Variants in RELN observed in about 807,000 individuals in gnomAD.
RELN encodes reelin.
RELN carries 108 observed loss-of-function variants against 427.6 expected under a neutral mutation model. The observed-to-expected ratio is 0.25, with a 90% CI of 0.22 to 0.30. The LOEUF (loss-of-function observed/expected upper bound fraction) is 0.30. Among genes scored for constraint, RELN ranks in the 10% least tolerant of loss-of-function variants. The pLI is 1.00. For synonymous variants in RELN, 1,524 were observed against 1,513.4 expected, an observed-to-expected ratio of 1.01 and a Z score of -0.16; for missense variants, 3,715 against 4,302.8, an observed-to-expected ratio of 0.86 and a Z score of 3.82.
intron 10 of RELN, among the ~76,000 whole-genome samples, chr7:103,695,416 A>G (rs1271080464): frequency 6.6e-6 from 1 of 152,104 alleles, no homozygotes; most frequent in East Asian, 1.9e-4. Context: ...TAATAGACAT[A>G]GGTCACTCGG....
intron 2 of RELN, among the ~76,000 whole-genome samples, chr7:103,874,468 A>G (rs920160042): frequency 2.8e-4 from 41 of 145,078 alleles, no homozygotes; most frequent in African/African-American, 9.4e-4. Flanking sequence ...CCATTGTCTC[A>G]GCCCAAAATC....
Position 103,569,264 on chromosome 7 carries a change from C to G in RELN, c.4589-2505G>C, listed in dbSNP as rs1830828189. On this transcript the variant is annotated intron_variant, in intron 31 of 64. Coordinates refer to ENST00000428762, the MANE Select transcript of RELN (RefSeq NM_005045.4). This position sits in a 1 kb window ranked among gnomAD's most constrained non-coding sequence, Gnocchi z 4.0. Reference sequence around the variant, plus strand: ...GAGAAGAACTAAAGGCTTTTGCCAACAGCCATGTAAGTAAGCCATCTTGGA... The same window carrying G: ...GAGAAGAACTAAAGGCTTTTGCCAAGAGCCATGTAAGTAAGCCATCTTGGA... Among the ~76,000 whole-genome samples, 1 of 152,190 alleles carries G rather than the reference C, an allele frequency of 6.6e-6. No individual in the cohort carries two copies. Among genetic ancestry groups the G allele is most frequent in the Non-Finnish European group, 1.5e-5 (1 of 68,038 alleles).
intron 3 of RELN, among the ~76,000 whole-genome samples, chr7:103,801,695 G>A (rs193153400): frequency 4.6e-5 from 7 of 151,350 alleles, no homozygotes; most frequent in African/African-American, 7.3e-5. Context: ...GAGCCTGCAC[G>A]TTGTGCACAT....
At chr7:103,517,698 G>A (rs952948597) in intron 49 of RELN, among the ~76,000 whole-genome samples, 1 of 152,226 alleles carries the variant, frequency 6.6e-6, no homozygotes, top group Non-Finnish European at 1.5e-5. Context: ...TTAGCTTCTA[G>A]TTGGATTCCT....
At chr7:103,577,056 G>GGT (rs1195652645) in intron 28 of RELN, among the ~76,000 whole-genome samples, 3 of 151,994 alleles carry the variant, frequency 2.0e-5, no homozygotes, top group African/African-American at 7.3e-5. Context: ...AAGATGTATT[G>GGT]GTGTATCCAC....
intron 8 of RELN, among the ~76,000 whole-genome samples, chr7:103,712,027 C>G (rs1453379445): frequency 6.6e-6 from 1 of 152,154 alleles, no homozygotes; most frequent in East Asian, 1.9e-4. Flanking sequence ...CATTAAACCT[C>G]AGGGACTCAA....
chr7:103,723,935 C>T (rs1049565956), intron 7 of RELN, among the ~76,000 whole-genome samples: 1 of 152,026 alleles, frequency 6.6e-6, no homozygotes, highest in Admixed American at 6.6e-5. Context: ...GCAAAATTTC[C>T]CCCTTCTGAA....
chr7:103,689,911 T>G (rs1337710958), intron 10 of RELN, among the ~76,000 whole-genome samples: 2 of 152,080 alleles, frequency 1.3e-5, no homozygotes, highest in Non-Finnish European at 2.9e-5. Context: ...AGGATGTGTA[T>G]TTGAGGAGTT....
At chr7:103,728,922 T>G (rs576061244) in intron 6 of RELN, among the ~76,000 whole-genome samples, 1 of 152,302 alleles carries the variant, frequency 6.6e-6, no homozygotes, top group Admixed American at 6.5e-5. Flanking sequence ...AATAACGGAA[T>G]TAGCTCCTAT....
At chr7:103,863,032 A>G (rs1321926093) in intron 2 of RELN, among the ~76,000 whole-genome samples, 1 of 152,140 alleles carries the variant, frequency 6.6e-6, no homozygotes, top group Non-Finnish European at 1.5e-5. Flanking sequence ...GCCAAACACC[A>G]AGAGGGCAAA....
intron 3 of RELN, among the ~76,000 whole-genome samples, chr7:103,821,335 C>T (rs143119841): frequency 6.6e-6 from 1 of 152,282 alleles, no homozygotes; most frequent in African/African-American, 2.4e-5. Flanking sequence ...AAAGTAATCT[C>T]TTTCCAGGCA....
intron 28 of RELN, 116 bp from the exon 29 acceptor site, chr7:103,575,821 T>C: frequency 9.0e-7 from 1 of 1,108,438 alleles, no homozygotes; most frequent in Non-Finnish European, 1.4e-6. Context: ...GAAAGTCATG[T>C]CTGCTTGACT....
In RELN at chr7:103,652,626, A is replaced by T; in HGVS notation, c.1688T>A (p.Val563Asp). The change falls in exon 14 of 65, where the codon GTT becomes GAT. Residue 563 changes from valine (V) to aspartate (D), a missense_variant. By Grantham distance (152) the Val-to-Asp change is radical. This residue lies in a region of RELN where 2,208 missense variants were observed against 2,361.7 expected (regional missense o/e 0.93). Coordinates refer to ENST00000428762, the MANE Select transcript of RELN (RefSeq NM_005045.4). Reference sequence around the variant, plus strand: ...CATGTGAGACATTGTAGAAGGGAGAACAGGCAAGACATGGAAAAAGTCTAC... The same window carrying T: ...CATGTGAGACATTGTAGAAGGGAGATCAGGCAAGACATGGAAAAAGTCTAC... ...WAVDFFHVLPVLPSTMSHMIQ... is the reference protein window; with the variant it reads ...WAVDFFHVLPDLPSTMSHMIQ... The T allele has an allele frequency of 6.2e-7, 1 of 1,612,978 alleles. No individual in the cohort carries two copies. The highest frequency in any genetic ancestry group is 8.5e-7 in the Non-Finnish European group (1 of 1,179,300).
chr7:103,544,853 G>A (rs1830253831), intron 42 of RELN, among the ~76,000 whole-genome samples: 1 of 152,070 alleles, frequency 6.6e-6, no homozygotes, highest in South Asian at 2.1e-4. Flanking sequence ...ATTGTCATTA[G>A]GCAGAAATTA....
chr7:103,590,576 ATAAAT>A lies in RELN; in HGVS notation c.3913-753_3913-749del, dbSNP rs1366505381. Reference sequence around the variant, plus strand: ...CTCCATCTCAACAATAAATAAATAAATAAATAAATAAATAAATAAATAAATATAAA... The same window carrying A: ...CTCCATCTCAACAATAAATAAATAAAAAATAAATAAATAAATAAATATAAA... On this transcript the variant is annotated intron_variant, in intron 27 of 64. Coordinates refer to ENST00000428762, the MANE Select transcript of RELN (RefSeq NM_005045.4). Among the ~76,000 whole-genome samples, 225 of 150,160 alleles carry A rather than the reference ATAAAT, an allele frequency of 1.5e-3. 2 individuals carry two copies. Among genetic ancestry groups the A allele is most frequent in the African/African-American group, 5.1e-3 (206 of 40,608 alleles).
At chr7:103,486,548 C>G in intron 60 of RELN, 132 bp from the exon 61 acceptor site, 2 of 615,486 alleles carry the variant, frequency 3.2e-6, no homozygotes, top group South Asian at 3.7e-5. Context: ...ACTTAAACAA[C>G]TTTACAAAAA....
chr7:103,886,582 T>C (rs1563071566), intron 2 of RELN, among the ~76,000 whole-genome samples: 1 of 152,176 alleles, frequency 6.6e-6, no homozygotes, highest in Non-Finnish European at 1.5e-5. Context: ...CATCTTGATA[T>C]TCAGAACAGA....
rs141734678 is a variant in RELN, at chr7:103,561,596, C to A, written c.5465G>T (p.Gly1822Val). The A allele has an allele frequency of 6.2e-7, 1 of 1,613,746 alleles. No individual in the cohort carries two copies. The highest frequency in any genetic ancestry group is 2.2e-5 in the East Asian group (1 of 44,884). ...LHPDLWPEVYGAERGNLNGET... is the reference protein window; with the variant it reads ...LHPDLWPEVYVAERGNLNGET... The stretch of plus-strand genomic sequence containing the variant: ...ACCATTCAGATTCCCCCTCTCTGCA[C>A]CATACACTTCAGGCCAAAGGTCAGG... The change falls in exon 36 of 65, where the codon GGT (glycine) becomes GTT (valine). Residue 1822 changes from glycine to valine, a missense_variant. Transcript: ENST00000428762.
intron 1 of RELN, among the ~76,000 whole-genome samples, chr7:103,980,986 C>T (rs1584418800): frequency 6.6e-6 from 1 of 152,200 alleles, no homozygotes; most frequent in Non-Finnish European, 1.5e-5. Flanking sequence ...AGAACTGGAA[C>T]TATGATCATA....
Sources: gnomAD v4.1 joint callset for allele counts (sites outside exome capture counted in the v4.1 genomes callset) on GRCh38, gnomAD v4.1.1 for gene constraint, gnomAD v4.1.1 regional missense constraint, Gnocchi (gnomAD v3.1) non-coding constraint, MANE v1.5 for transcripts, NCBI Gene and HGNC (gene_info 2026-07-23, HGNC 2026-07-21) for gene names.